The following SNX2 variants were observed in gnomAD, a reference collection of about 807,000 sequenced individuals.
SNX2 encodes the protein sorting nexin 2.
A neutral mutation model predicts 69.9 loss-of-function variants in SNX2; 25 were observed. The ratio of observed to expected loss-of-function variants is 0.36; its 90% CI spans 0.26 to 0.50. SNX2 has a LOEUF of 0.50. Among genes scored for constraint, SNX2 ranks in the 20% least tolerant of loss-of-function variants. SNX2 has a pLI of 0.97. For synonymous variants in SNX2, 229 were observed against 200.4 expected (o/e 1.14, Z -1.20); for missense variants, 551 against 613.3 (o/e 0.90, Z 1.07).
intron 2 of SNX2, 76 bp downstream of exon 2, chr5:122,795,459 A>G: frequency 3.0e-6 from 3 of 1,012,924 alleles, no homozygotes; most frequent in Non-Finnish European, 4.5e-6. Context: ...TATCTAAAAC[A>G]AAACTGAAAT....
At chr5:122,796,723 A>G (rs1753386748) in intron 2 of SNX2, among the ~76,000 whole-genome samples, 2 of 152,048 alleles carry the variant, frequency 1.3e-5, no homozygotes, top group African/African-American at 4.8e-5. Flanking sequence ...TAAATTATCC[A>G]TTTTTTTAAA....
chr5:122,823,254 G>T (rs7735211), intron 11 of SNX2, among the ~76,000 whole-genome samples: 29,235 of 152,200 alleles, frequency 0.19, 3,249 homozygotes, highest in East Asian at 0.46. Flanking sequence ...AGCATTGTTA[G>T]AAGTTTGACT....
chr5:122,775,111 C>T lies in SNX2; in HGVS notation c.8C>T (p.Ala3Val). ...TCGTTCGGGTGAGCGAAGATGGCGG[C>T]CGAGAGGGAACCTCCTCCGCTGGGG... is the stretch of plus-strand genomic sequence containing the variant. MA[A>V]EREPPPLGDG... The change falls in exon 1 of 15, where the codon GCC (alanine) becomes GTC (valine). Residue 3 changes from alanine to valine, a missense_variant. Around this residue, in one of 2 missense-constraint regions of SNX2, gnomAD observed 191 missense variants for 162.9 expected, o/e 1.17. Coordinates refer to ENST00000379516, the MANE Select transcript of SNX2 (RefSeq NM_003100.4). The T allele has an allele frequency of 6.3e-7, 1 of 1,587,708 alleles. No homozygotes were observed. The highest frequency in any genetic ancestry group is 1.2e-5 in the South Asian group (1 of 86,356).
At chr5:122,783,235 G>A (rs1375771796) in intron 1 of SNX2, among the ~76,000 whole-genome samples, 1 of 152,046 alleles carries the variant, frequency 6.6e-6, no homozygotes. Flanking sequence ...GTGAGCCACC[G>A]CGCCTGCCCA....
chr5:122,796,129 A>G (rs1484825244), intron 2 of SNX2, among the ~76,000 whole-genome samples: 1 of 152,160 alleles, frequency 6.6e-6, no homozygotes, highest in African/African-American at 2.4e-5. Flanking sequence ...CACACTAAAC[A>G]TTTTTAACTC....
At chr5:122,797,877 T>G (rs781366912) in intron 2 of SNX2, among the ~76,000 whole-genome samples, 1 of 151,944 alleles carries the variant, frequency 6.6e-6, no homozygotes, top group Non-Finnish European at 1.5e-5. Context: ...TAAGACAGAT[T>G]ATATATATAT....
chr5:122,801,652 CGTGTGTGTGT>C (rs61189602), intron 3 of SNX2, among the ~76,000 whole-genome samples: 19 of 132,120 alleles, frequency 1.4e-4, no homozygotes, highest in South Asian at 4.9e-4. Context: ...TGGTCTTTTT[CGTGTGTGTGT>C]GTGTGTGTGT....
Position 122,806,429 on chromosome 5 carries a change from G to A in SNX2, c.644-1848G>A. Among the ~76,000 whole-genome samples the A allele has an allele frequency of 1.3e-5, 2 of 152,136 alleles. 1 individual carries two copies. The highest frequency in any genetic ancestry group is 4.1e-4 in the South Asian group (2 of 4,820). The stretch of plus-strand genomic sequence containing the variant: ...TGGAAAAAGAGTCATAACTTCTCCT[G>A]TTTGCTGGGAAGCTTTATAACTGCC... On this transcript the variant is annotated intron_variant, in intron 6 of 14. Transcript: ENST00000379516.
intron 1 of SNX2, among the ~76,000 whole-genome samples, chr5:122,790,176 T>C (rs992681619): frequency 2.6e-5 from 4 of 152,106 alleles, no homozygotes; most frequent in Non-Finnish European, 4.4e-5. Flanking sequence ...TGGAGTGCAG[T>C]GGTGCGATCT....
At chr5:122,806,142 G>GTGCGCACGCACACACACACACACACA (rs1554063163) in intron 6 of SNX2, among the ~76,000 whole-genome samples, 2 of 130,584 alleles carry the variant, frequency 1.5e-5, no homozygotes, top group African/African-American at 5.8e-5. Flanking sequence ...ACACGCGCGC[G>GTGCGCACGCACACACACACACACACA]CACACACACA....
chr5:122,801,652 CGTGTGTGTGTGTGTGTGT>C (rs61189602), intron 3 of SNX2, among the ~76,000 whole-genome samples, 199 bp from the exon 4 acceptor site: 9 of 132,120 alleles, frequency 6.8e-5, no homozygotes, highest in African/African-American at 2.1e-4. Flanking sequence ...TGGTCTTTTT[CGTGTGTGTGTGTGTGTGT>C]GTGTGTGTGT....
chr5:122,827,770 C>A, intron 14 of SNX2, 124 bp downstream of exon 14: 1 of 696,554 alleles, frequency 1.4e-6, no homozygotes, highest in Non-Finnish European at 2.4e-6. Context: ...AGACAGAAAG[C>A]CAGTGATGGT....
chr5:122,785,519 T>C (rs1036634966), intron 1 of SNX2, among the ~76,000 whole-genome samples: 1 of 152,044 alleles, frequency 6.6e-6, no homozygotes. Context: ...ACTCTTGCTG[T>C]TTAGCTATGT....
At chr5:122,819,661 C>G (rs1320878866) in intron 11 of SNX2, among the ~76,000 whole-genome samples, 1 of 152,238 alleles carries the variant, frequency 6.6e-6, no homozygotes, top group Admixed American at 6.5e-5. Flanking sequence ...TGAACGTTAC[C>G]CAGTGTATCA....
intron 1 of SNX2, among the ~76,000 whole-genome samples, chr5:122,793,023 G>A (rs1753279218): frequency 6.6e-6 from 1 of 152,118 alleles, no homozygotes; most frequent in South Asian, 2.1e-4. Flanking sequence ...TGCTGCTGGT[G>A]GGAGTGTAAA....
intron 1 of SNX2, among the ~76,000 whole-genome samples, chr5:122,792,649 T>C (rs1345266655): frequency 6.6e-6 from 1 of 151,358 alleles, no homozygotes; most frequent in Non-Finnish European, 1.5e-5. Context: ...ATTGATACAA[T>C]TTGCCTTTAA....
intron 1 of SNX2, among the ~76,000 whole-genome samples, chr5:122,785,882 G>A (rs969099842): frequency 6.6e-6 from 1 of 152,128 alleles, no homozygotes; most frequent in Non-Finnish European, 1.5e-5. Flanking sequence ...TCGTACAAAT[G>A]TTAGGTCAAG....
At chr5:122,826,849 C>A (rs1561478787) in intron 12 of SNX2, among the ~76,000 whole-genome samples, 1 of 151,784 alleles carries the variant, frequency 6.6e-6, no homozygotes, top group South Asian at 2.1e-4. Flanking sequence ...TTCAGTAGAC[C>A]ATAATTCCAC....
chr5:122,808,365 G>C lies in SNX2; in HGVS notation c.722+10G>C. The stretch of plus-strand genomic sequence containing the variant: ...GAGCAGCTCTTGAAAGGTAATTCTA[G>C]ACAGCTATATTTTATTACTCTCATG... On this transcript the variant is annotated intron_variant, in intron 7 of 14. Transcript: ENST00000379516. 1.9e-6 allele frequency: 3 copies of C among 1,571,090 alleles called. No homozygotes were observed. Among genetic ancestry groups the C allele is most frequent in the East Asian group, 2.3e-5 (1 of 44,374 alleles).
Sources: gnomAD v4.1 joint callset for allele counts (sites outside exome capture counted in the v4.1 genomes callset) on GRCh38, gnomAD v4.1.1 for gene constraint, gnomAD v4.1.1 regional missense constraint, MANE v1.5 for transcripts, NCBI Gene and HGNC (gene_info 2026-07-23, HGNC 2026-07-21) for gene names.